URB2: variants seen among roughly 807,000 people sequenced by gnomAD.
The protein encoded by URB2 is URB2 ribosome biogenesis homolog, also known as unhealthy ribosome biogenesis protein 2 homolog.
A neutral mutation model predicts 120.9 loss-of-function variants in URB2; 86 were observed. The ratio of observed to expected loss-of-function variants is 0.71; its 90% CI spans 0.60 to 0.85. URB2 has a LOEUF of 0.85. URB2 is among the 40% of genes least tolerant of loss of function. The pLI is 0.00. For missense variants in URB2, 1,765 were observed against 1,836.5 expected, an observed-to-expected ratio of 0.96 and a Z score of 0.71; for synonymous variants, 755 against 758.4, an observed-to-expected ratio of 1.00 and a Z score of 0.07.
chr1:229,642,992 T>G (rs1009319582), intron 4 of URB2, among the ~76,000 whole-genome samples: 1 of 152,234 alleles, frequency 6.6e-6, no homozygotes, highest in Non-Finnish European at 1.5e-5. Flanking sequence ...ATGTATTATA[T>G]TCTTACAATC....
Position 229,636,493 on chromosome 1 carries a change from A to G in URB2, c.1880A>G (p.Tyr627Cys), listed in dbSNP as rs754571115. 3.7e-6 allele frequency: 6 copies of G among 1,614,120 alleles called. No individual in the cohort carries two copies. Among genetic ancestry groups the G allele is most frequent in the African/African-American group, 2.7e-5 (2 of 74,946 alleles). ...ATGTTCAGTTTGAACTGTAGCCAGT[A>G]TCACTCTATGTCTGGGCCCCTTATA... is the stretch of plus-strand genomic sequence containing the variant. ...DAMFSLNCSQ[Y>C]HSMSGPLIGV... Residue 627 changes from tyrosine (Y) to cysteine (C), a missense_variant, in exon 4 of 10, where the codon TAT (tyrosine) becomes TGT (cysteine). Physicochemically the swap from Tyr to Cys is radical, Grantham distance 194. Transcript: ENST00000258243.
In URB2 at chr1:229,637,650, A is replaced by G; in HGVS notation, c.3037A>G (p.Ile1013Val). 1 of 1,614,266 alleles carries G rather than the reference A, an allele frequency of 6.2e-7. No individual in the cohort carries two copies. Among genetic ancestry groups the G allele is most frequent in the South Asian group, 1.1e-5 (1 of 91,088 alleles). ...CTTAGAGGAGCTAATGCAGATGCTCATCCAAATGAAGCTGAGCTTGGTGCT... is the reference window on the plus strand; with the variant it reads ...CTTAGAGGAGCTAATGCAGATGCTCGTCCAAATGAAGCTGAGCTTGGTGCT... Reference protein sequence around the residue: ...TFLEELMQMLIQMKLSLVLNF... With the variant: ...TFLEELMQMLVQMKLSLVLNF... Residue 1013 changes from isoleucine (I) to valine (V), a missense_variant, in exon 4 of 10, where the codon ATC (isoleucine) becomes GTC (valine). Transcript: ENST00000258243.
chr1:229,630,564 C>G (rs908333743), intron 2 of URB2, among the ~76,000 whole-genome samples: 2 of 152,170 alleles, frequency 1.3e-5, no homozygotes, highest in African/African-American at 2.4e-5. Context: ...CTTAAGGGCC[C>G]TGTGATTTTG....
intron 2 of URB2, among the ~76,000 whole-genome samples, chr1:229,630,978 G>A (rs1245306685): frequency 1.0e-3 from 84 of 82,880 alleles, no homozygotes; most frequent in Non-Finnish European, 1.5e-3. Context: ...GCGAAACTCC[G>A]TCTCAAAAAA....
chr1:229,659,400 T>C lies in URB2; in HGVS notation c.*103T>C. The stretch of plus-strand genomic sequence containing the variant: ...AGACTTAAGATGTTCTAATTCGTAG[T>C]ATTGGTATACATAGAAAATCCTTTG... On this transcript the variant is annotated 3_prime_UTR_variant, in exon 10 of 10. Coordinates refer to ENST00000258243, the MANE Select transcript of URB2 (RefSeq NM_014777.4). 3 of 1,238,678 alleles carry C rather than the reference T, an allele frequency of 2.4e-6. No individual in the cohort carries two copies. The highest frequency in any genetic ancestry group is 1.4e-5 in the South Asian group (1 of 69,868). The allele number at this position is 1,238,678 out of a possible 1,614,324, so 76.7% of individuals were successfully genotyped here. A position where few individuals can be genotyped will look rare whatever the true frequency, so the allele number is the denominator to read the frequency against.
intron 7 of URB2, among the ~76,000 whole-genome samples, chr1:229,648,700 G>A (rs1273890089): frequency 6.6e-6 from 1 of 152,198 alleles, no homozygotes; most frequent in African/African-American, 2.4e-5. Flanking sequence ...CTAAACCTTA[G>A]ACTCAAGACT....
chr1:229,628,167 GTATA>G (rs1158716825), intron 2 of URB2, among the ~76,000 whole-genome samples: 1 of 116,096 alleles, frequency 8.6e-6, no homozygotes, highest in African/African-American at 3.1e-5. Flanking sequence ...TATATGTATA[GTATA>G]TATGTATATA....
Position 229,637,151 on chromosome 1 carries a change from C to T in URB2, c.2538C>T (p.His846=). The change falls in exon 4 of 10, where the codon CAC becomes CAT. Residue 846 remains histidine, a synonymous_variant. Coordinates refer to ENST00000258243, the MANE Select transcript of URB2 (RefSeq NM_014777.4). ...QQLPWLFEKD[H]MVVGHWENRF... is the part of the protein sequence containing the mutation. ...TTCCCTGGCTTTTTGAAAAGGACCA[C>T]ATGGTTGTGGGTCATTGGGAAAACA... 1.2e-6 allele frequency: 2 copies of T among 1,613,750 alleles called. No individual in the cohort carries two copies. Among genetic ancestry groups the T allele is most frequent in the Non-Finnish European group, 8.5e-7 (1 of 1,179,782 alleles).
In URB2 at chr1:229,635,516, C is replaced by T. The variant is rs779499061; in HGVS notation, c.903C>T (p.Ala301=). 1 of 1,614,052 alleles carries T rather than the reference C, an allele frequency of 6.2e-7. No individual in the cohort carries two copies. The highest frequency in any genetic ancestry group is 1.1e-5 in the South Asian group (1 of 91,068). The change falls in exon 4 of 10, where the codon GCC becomes GCT. Residue 301 remains alanine, a synonymous_variant. Transcript: ENST00000258243. The part of the protein sequence containing the change: ...CAASLHTSVV[A]NSVALLYKLF... ...CATCCCTTCATACCTCTGTTGTGGC[C>T]AACTCAGTGGCCTTGCTGTATAAGC...
chr1:229,647,469 G>T, intron 6 of URB2, 41 bp from the exon 7 acceptor site: 4 of 1,593,690 alleles, frequency 2.5e-6, no homozygotes, highest in Non-Finnish European at 3.4e-6. Flanking sequence ...TTTCCTTGGG[G>T]AATTACTTTC....
chr1:229,647,276 T>C (rs577682855), intron 6 of URB2, among the ~76,000 whole-genome samples: 2 of 152,326 alleles, frequency 1.3e-5, no homozygotes, highest in African/African-American at 2.4e-5. Context: ...GGTAAGACTT[T>C]GAGCTGTCCT....
rs146627260 is a variant in URB2 at position 229,637,884 on chromosome 1, G to A, written c.3271G>A (p.Val1091Ile). 2.3e-5 allele frequency: 37 copies of A among 1,600,594 alleles called. 1 individual carries two copies. The African/African-American group carries it at 3.5e-4, about 15-fold the overall frequency. ...AGCACTGTCTGAGCTGCTGCAGCAG[G>A]TTGTGCTGCAGACAGGAGCTGTGCT... ...PAALSELLQQVVLQTGAVLQL... is the reference protein window; with the variant it reads ...PAALSELLQQIVLQTGAVLQL... Residue 1091 changes from valine (V) to isoleucine (I), a missense_variant, in exon 4 of 10, where the codon GTT becomes ATT. Val to Ile is a conservative substitution (Grantham distance 29). Coordinates refer to ENST00000258243, the MANE Select transcript of URB2 (RefSeq NM_014777.4).
chr1:229,637,218 GA>G lies in URB2; in HGVS notation c.2608del (p.Ile870LeufsTer31). 6.2e-7 allele frequency: 1 copy of G among 1,613,808 alleles called. No individual in the cohort carries two copies. The highest frequency in any genetic ancestry group is 1.1e-5 in the South Asian group (1 of 91,056). On this transcript the variant is annotated frameshift_variant, in exon 4 of 10. Transcript: ENST00000258243. LOFTEE classifies it high-confidence loss of function. ...ACCCGAAGGTATAGAACCTAGAGGA[GA>G]AATTGCCCAGAACTTACTGTCCCTG... ...AGPEGIEPRG[E>X]IAQNLLSLVK...
intron 4 of URB2, among the ~76,000 whole-genome samples, chr1:229,641,992 G>A (rs994601088): frequency 1.3e-5 from 2 of 152,146 alleles, no homozygotes; most frequent in African/African-American, 4.8e-5. Context: ...CCTGGGTGAT[G>A]GAGTGAGACC....
intron 3 of URB2, among the ~76,000 whole-genome samples, chr1:229,633,466 T>C (rs745689714): frequency 2.6e-5 from 4 of 152,244 alleles, no homozygotes; most frequent in Admixed American, 1.3e-4. Flanking sequence ...ATTACACTTA[T>C]TGAATATAAA....
chr1:229,652,521 C>T lies in URB2; in HGVS notation c.4237+1199C>T, dbSNP rs182981123. 1.7e-3 allele frequency among the ~76,000 whole-genome samples: 253 copies of T among 152,336 alleles called. 1 individual carries two copies. The highest frequency in any genetic ancestry group is 2.7e-3 in the Non-Finnish European group (185 of 68,028). On this transcript the variant is annotated intron_variant, in intron 8 of 9. Transcript: ENST00000258243. ...AAGACTAGGCTTCAATTCCTCTGCC[C>T]GGTTTTGGGATCAATCAGTGGCACA...
At chr1:229,641,436 T>C (rs1666010306) in intron 4 of URB2, among the ~76,000 whole-genome samples, 1 of 152,176 alleles carries the variant, frequency 6.6e-6, no homozygotes, top group Non-Finnish European at 1.5e-5. Flanking sequence ...TGCCACACTG[T>C]GCCCTCAGCT....
intron 2 of URB2, among the ~76,000 whole-genome samples, chr1:229,628,516 A>G (rs970198833): frequency 6.6e-6 from 1 of 152,184 alleles, no homozygotes; most frequent in African/African-American, 2.4e-5. Context: ...CACATTGGGA[A>G]TTAAGTTACA....
chr1:229,658,822 A>T (rs1370806601), intron 9 of URB2, among the ~76,000 whole-genome samples: 1 of 152,226 alleles, frequency 6.6e-6, no homozygotes, highest in East Asian at 1.9e-4. Flanking sequence ...CATTTACTGA[A>T]CAGCAAAGCC....
Sources: gnomAD v4.1 joint callset for allele counts (sites outside exome capture counted in the v4.1 genomes callset) on GRCh38, gnomAD v4.1.1 for gene constraint, MANE v1.5 for transcripts, NCBI Gene and HGNC (gene_info 2026-07-23, HGNC 2026-07-21) for gene names.